The following OSTN variants were observed in gnomAD, a reference collection of about 807,000 sequenced individuals.
OSTN encodes osteocrin.
A neutral mutation model predicts 12.0 loss-of-function variants in OSTN; 9 were observed. That is an observed-to-expected ratio of 0.75 (90% CI 0.45 to 1.30). The LOEUF is 1.30. OSTN is among the 50% of genes most tolerant of loss of function. The pLI, the probability that OSTN is intolerant of heterozygous loss-of-function variation, is 0.00. For missense variants in OSTN, 148 were observed against 152.3 expected, an observed-to-expected ratio of 0.97 and a Z score of 0.15; for synonymous variants, 59 against 56.9, an observed-to-expected ratio of 1.04 and a Z score of -0.16.
chr3:191,209,696 G>C (rs1432936301), intron 1 of OSTN, among the ~76,000 whole-genome samples: 2 of 152,142 alleles, frequency 1.3e-5, no homozygotes, highest in Non-Finnish European at 2.9e-5. Flanking sequence ...ATACTATTCT[G>C]TTTACATAAA....
chr3:191,220,363 A>G (rs1714731558), intron 3 of OSTN, among the ~76,000 whole-genome samples: 1 of 152,210 alleles, frequency 6.6e-6, no homozygotes, highest in South Asian at 2.1e-4. Context: ...AATAGAAATT[A>G]GTTCCACTAT....
At chr3:191,239,119 C>T (rs1251514711) in intron 3 of OSTN, among the ~76,000 whole-genome samples, 2 of 152,022 alleles carry the variant, frequency 1.3e-5, no homozygotes, top group Non-Finnish European at 2.9e-5. Flanking sequence ...TTAAACAAAA[C>T]GCACAAACAA....
intron 2 of OSTN, among the ~76,000 whole-genome samples, chr3:191,216,503 C>G (rs929108210): frequency 6.6e-6 from 1 of 152,124 alleles, no homozygotes; most frequent in South Asian, 2.1e-4. Context: ...AAACTTTTTG[C>G]TCTGCTTCCC....
At chr3:191,201,187 C>G (rs1362916116) in intron 1 of OSTN, among the ~76,000 whole-genome samples, 1 of 151,982 alleles carries the variant, frequency 6.6e-6, no homozygotes. Flanking sequence ...TGCCTTCTTC[C>G]TTATTGCCAC....
At chr3:191,241,931 T>C (rs538326695) in intron 3 of OSTN, among the ~76,000 whole-genome samples, 4 of 152,094 alleles carry the variant, frequency 2.6e-5, no homozygotes, top group African/African-American at 9.6e-5. Flanking sequence ...GAAAAGAAAA[T>C]TGTAGGACAG....
At chr3:191,243,487 T>C (rs1217327463) in intron 3 of OSTN, among the ~76,000 whole-genome samples, 1 of 152,150 alleles carries the variant, frequency 6.6e-6, no homozygotes, top group African/African-American at 2.4e-5. Flanking sequence ...CATGTCATCT[T>C]GGAGAAATCT....
At chr3:191,217,827 T>C (rs1356438386) in intron 2 of OSTN, among the ~76,000 whole-genome samples, 1 of 152,148 alleles carries the variant, frequency 6.6e-6, no homozygotes, top group East Asian at 1.9e-4. Flanking sequence ...TTTATTTTTG[T>C]ATCCTTCATG....
chr3:191,222,988 C>A (rs181322409), intron 3 of OSTN, among the ~76,000 whole-genome samples: 326 of 152,048 alleles, frequency 2.1e-3, no homozygotes, highest in African/African-American at 7.8e-3. Context: ...TTCCCCAGCC[C>A]TGTGGGGAAT....
intron 3 of OSTN, among the ~76,000 whole-genome samples, chr3:191,219,533 A>C (rs1382876098): frequency 6.6e-6 from 1 of 152,212 alleles, no homozygotes; most frequent in African/African-American, 2.4e-5. Context: ...ATAAAATTCA[A>C]ATGAGATAAT....
At chr3:191,255,416 G>C (rs1173775580) in intron 4 of OSTN, among the ~76,000 whole-genome samples, 1 of 152,154 alleles carries the variant, frequency 6.6e-6, no homozygotes, top group African/African-American at 2.4e-5. Flanking sequence ...TTTCCAAGAG[G>C]CTTTTTATTG....
At chr3:191,249,929 TA>T (rs34754526) in intron 3 of OSTN, 107 bp from the exon 4 acceptor site, 211,048 of 784,710 alleles carry the variant, frequency 0.27, 32,135 homozygotes, top group Non-Finnish European at 0.33. Context: ...CTATCATGTT[TA>T]TTCCAACTCC....
rs748926865 is a variant in OSTN, at chr3:191,212,619, T to G, written c.87T>G (p.Asp29Glu). 2 of 1,561,570 alleles carry G rather than the reference T, an allele frequency of 1.3e-6. No homozygotes were observed. The highest frequency in any genetic ancestry group is 1.7e-6 in the Non-Finnish European group (2 of 1,146,380). ...GCTCAGGAAAAGTCCTCTCAGTAGA[T>G]GTAACAACAACAGAGGTAATGGAAA... ...LWSSGKVLSV[D>E]VTTTEAFDSG... Residue 29 changes from aspartate to glutamate, a missense_variant, in exon 2 of 5, where the codon GAT becomes GAG. Coordinates refer to ENST00000682035, the MANE Select transcript of OSTN (RefSeq NM_198184.2).
rs560544400 is a variant in OSTN at position 191,262,748 on chromosome 3, G to C, written c.*13-118G>C. On this transcript the variant is annotated intron_variant, in intron 4 of 4. Transcript: ENST00000682035. ...ATAAAAAATTGCCATGTAAATAAAG[G>C]CTATAATGAAACAGCATGTAATTAA... is the stretch of plus-strand genomic sequence containing the variant. The C allele has an allele frequency of 1.1e-4, 68 of 609,820 alleles. No individual in the cohort carries two copies. In the African/African-American group the frequency reaches 1.2e-3, roughly 11 times the overall value. The allele number at this position is 609,820 out of a possible 1,614,324, so 37.8% of individuals were successfully genotyped here. A position where few individuals can be genotyped will look rare whatever the true frequency, so the allele number is the denominator to read the frequency against.
chr3:191,215,280 G>A (rs528184632), intron 2 of OSTN, among the ~76,000 whole-genome samples: 1 of 152,190 alleles, frequency 6.6e-6, no homozygotes, highest in South Asian at 2.1e-4. Flanking sequence ...CCTCCACCTG[G>A]TCTCTCCTTT....
intron 3 of OSTN, among the ~76,000 whole-genome samples, chr3:191,237,692 C>CT (rs1715228293): frequency 6.6e-6 from 1 of 152,222 alleles, no homozygotes; most frequent in Non-Finnish European, 1.5e-5. Flanking sequence ...CACCTGAGAT[C>CT]TTATCAGGAA....
intron 3 of OSTN, among the ~76,000 whole-genome samples, chr3:191,233,671 T>C (rs1414956776): frequency 6.6e-6 from 1 of 152,126 alleles, no homozygotes; most frequent in Non-Finnish European, 1.5e-5. Flanking sequence ...AAGAATAGTA[T>C]CTACTATCTG....
intron 4 of OSTN, among the ~76,000 whole-genome samples, chr3:191,256,425 T>A (rs1279072005): frequency 6.6e-6 from 1 of 152,116 alleles, no homozygotes; most frequent in Non-Finnish European, 1.5e-5. Context: ...TTTTGGAAAG[T>A]TTATCAAACA....
intron 4 of OSTN, among the ~76,000 whole-genome samples, chr3:191,261,078 C>T (rs1237407100): frequency 6.6e-6 from 1 of 152,032 alleles, no homozygotes; most frequent in Non-Finnish European, 1.5e-5. Context: ...CTCTTTTTGC[C>T]AGCAGATTAG....
intron 3 of OSTN, among the ~76,000 whole-genome samples, chr3:191,223,606 G>A (rs1394331274): frequency 6.6e-6 from 1 of 151,872 alleles, no homozygotes. Context: ...GACTGAAGAA[G>A]AAAGAAAACA....
Sources: gnomAD v4.1 joint callset for allele counts (sites outside exome capture counted in the v4.1 genomes callset) on GRCh38, gnomAD v4.1.1 for gene constraint, MANE v1.5 for transcripts, NCBI Gene and HGNC (gene_info 2026-07-23, HGNC 2026-07-21) for gene names.